TMEM44: variants seen among roughly 807,000 people sequenced by gnomAD.
TMEM44 encodes the protein transmembrane protein 44.
TMEM44 carries 43 observed loss-of-function variants against 47.8 expected under a neutral mutation model. That is an observed-to-expected ratio of 0.90 (90% CI 0.70 to 1.16). The LOEUF (loss-of-function observed/expected upper bound fraction) is 1.16. Ranked by LOEUF, TMEM44 falls within the 50% of genes most tolerant of loss-of-function variation. The pLI is 0.00. For missense variants in TMEM44, 568 were observed against 555.2 expected (o/e 1.02, Z -0.23); for synonymous variants, 277 against 238.8 (o/e 1.16, Z -1.48).
At chr3:194,612,476 T>C (rs1176844178) in intron 7 of TMEM44, among the ~76,000 whole-genome samples, 1 of 152,062 alleles carries the variant, frequency 6.6e-6, no homozygotes, top group Non-Finnish European at 1.5e-5. Context: ...AGGGGCAGTT[T>C]TTGTTTTTGT....
chr3:194,621,406 AGCTACTACC>A (rs1330691917), intron 5 of TMEM44, among the ~76,000 whole-genome samples: 1 of 151,776 alleles, frequency 6.6e-6, no homozygotes, highest in Non-Finnish European at 1.5e-5. Context: ...AGCCCTAGGG[AGCTACTACC>A]GGCGGTCAGG....
rs60465767 is a variant in TMEM44 at position 194,588,227 on chromosome 3, G to A, written c.*302C>T. The A allele has an allele frequency of 0.079, 26,603 of 335,036 alleles. 1,271 individuals carry two copies. Among genetic ancestry groups the A allele is most frequent in the African/African-American group, 0.15 (7,035 of 46,728 alleles). 20.8% of individuals were successfully genotyped at this position (335,036 alleles called of 1,614,324 possible). On this transcript the variant is annotated 3_prime_UTR_variant, in exon 10 of 10. Transcript: ENST00000347147. ...GTTCATGGCTGACTCTCAAGGGAAT[G>A]AAGGGAAAAGGAAGAGCGGGTCTGA...
chr3:194,615,631 T>C lies in TMEM44; in HGVS notation c.850A>G (p.Arg284Gly), dbSNP rs1715799980. ...RQALGFAKEA[R>G]ESPDTQALLT... The stretch of plus-strand genomic sequence containing the variant: ...AGGGCTTGGGTGTCAGGGCTCTCTC[T>C]GGCTTCCTTGGCAAATCCTAAGGCC... Residue 284 changes from arginine (R) to glycine (G), a missense_variant, in exon 7 of 10, where the codon AGA (arginine) becomes GGA (glycine). Coordinates refer to ENST00000347147, the MANE Select transcript of TMEM44 (RefSeq NM_001011655.3). 1 of 1,614,072 alleles carries C rather than the reference T, an allele frequency of 6.2e-7. No individual in the cohort carries two copies. Among genetic ancestry groups the C allele is most frequent in the South Asian group, 1.1e-5 (1 of 91,096 alleles).
intron 8 of TMEM44, among the ~76,000 whole-genome samples, chr3:194,608,285 A>T (rs1198469204): frequency 1.3e-5 from 2 of 152,234 alleles, no homozygotes; most frequent in African/African-American, 4.8e-5. Flanking sequence ...AAGGAGCAAC[A>T]ACAGCAAACA....
intron 9 of TMEM44, among the ~76,000 whole-genome samples, chr3:194,595,798 T>C (rs2109153422): frequency 6.6e-6 from 1 of 152,172 alleles, no homozygotes; most frequent in East Asian, 1.9e-4. Flanking sequence ...GCTCATTTTT[T>C]GTATTTTTAG....
At chr3:194,631,166 G>A (rs1448600096) in intron 1 of TMEM44, among the ~76,000 whole-genome samples, 1 of 151,698 alleles carries the variant, frequency 6.6e-6, no homozygotes, top group African/African-American at 2.4e-5. Flanking sequence ...GAAGGGGCTG[G>A]CTGTTTCCCT....
At chr3:194,630,652 C>T (rs1717703525) in intron 1 of TMEM44, among the ~76,000 whole-genome samples, 1 of 116,742 alleles carries the variant, frequency 8.6e-6, no homozygotes, top group Admixed American at 8.1e-5. Flanking sequence ...GCTGTCGTAC[C>T]TGCCTCCAGA....
chr3:194,626,093 G>GATACAGA, intron 2 of TMEM44, 103 bp from the exon 3 acceptor site: 1 of 852,176 alleles, frequency 1.2e-6, no homozygotes, highest in Non-Finnish European at 2.0e-6. Flanking sequence ...ACACTGATGC[G>GATACAGA]GTGCTTTCTT....
intron 9 of TMEM44, chr3:194,589,931 G>A (rs1427861387): frequency 1.3e-5 from 2 of 152,094 alleles, no homozygotes; most frequent in Non-Finnish European, 2.9e-5. Context: ...CGTCTATGAT[G>A]ATTCTGAGGC....
rs111625868 is a variant in TMEM44 at position 194,605,186 on chromosome 3, A to G, written c.1018-741T>C. Reference sequence around the variant, plus strand: ...TATCTATTTATGTATCTGTCTATCTACCAATCTATCTATCTGTCTCAGACC... The same window carrying G: ...TATCTATTTATGTATCTGTCTATCTGCCAATCTATCTATCTGTCTCAGACC... On this transcript the variant is annotated intron_variant, in intron 8 of 9. Coordinates refer to ENST00000347147, the MANE Select transcript of TMEM44 (RefSeq NM_001011655.3). Among the ~76,000 whole-genome samples, 722 of 152,304 alleles carry G rather than the reference A, an allele frequency of 4.7e-3. 8 individuals are homozygous for G. Among genetic ancestry groups the G allele is most frequent in the African/African-American group, 0.016 (683 of 41,554 alleles).
intron 6 of TMEM44, chr3:194,616,760 T>A (rs1715937160): frequency 4.9e-6 from 2 of 407,188 alleles, no homozygotes; most frequent in Non-Finnish European, 9.5e-6. Flanking sequence ...CCAGACGTGT[T>A]GGCATGCACC....
intron 2 of TMEM44, among the ~76,000 whole-genome samples, chr3:194,627,152 C>A: frequency 6.6e-6 from 1 of 152,198 alleles, no homozygotes; most frequent in Non-Finnish European, 1.5e-5. Context: ...CCGCCTTAGC[C>A]TCCCAAAGTG....
intron 2 of TMEM44, among the ~76,000 whole-genome samples, 162 bp downstream of exon 2, chr3:194,628,221 T>A (rs1717379634): frequency 6.6e-6 from 1 of 152,158 alleles, no homozygotes; most frequent in Non-Finnish European, 1.5e-5. Context: ...AACAAGAGCC[T>A]CTGAGGGGGG....
At chr3:194,630,613 C>T (rs1473149439) in intron 1 of TMEM44, among the ~76,000 whole-genome samples, 1 of 106,762 alleles carries the variant, frequency 9.4e-6, no homozygotes, top group East Asian at 2.9e-4. Context: ...TTTCCATCGG[C>T]GTCACTGATA....
chr3:194,593,600 G>A (rs964912189), intron 9 of TMEM44, among the ~76,000 whole-genome samples: 3 of 152,098 alleles, frequency 2.0e-5, no homozygotes, highest in Non-Finnish European at 4.4e-5. Context: ...CAGGCATCAC[G>A]TCTGCCCTTG....
Position 194,633,220 on chromosome 3 carries a change from C to T in TMEM44, c.-5G>A. 7.2e-7 allele frequency: 1 copy of T among 1,392,686 alleles called. No homozygotes were observed. The highest frequency in any genetic ancestry group is 1.5e-5 in the African/African-American group (1 of 65,264). 86.3% of individuals were successfully genotyped at this position (1,392,686 alleles called of 1,614,324 possible). ...GGGGCTGGGCGCCTCCCCCATGGCG[C>T]GGCTGGGCGCGCGGCGCGGGGCCGG... On this transcript the variant is annotated 5_prime_UTR_variant, in exon 1 of 10. Transcript: ENST00000347147.
intron 1 of TMEM44, among the ~76,000 whole-genome samples, chr3:194,630,751 C>T (rs893471922): frequency 2.6e-4 from 39 of 151,154 alleles, no homozygotes; most frequent in African/African-American, 7.1e-4. Flanking sequence ...TGGCTGTTTC[C>T]GTCGGCGTCA....
chr3:194,596,077 T>A (rs189083281), intron 9 of TMEM44, among the ~76,000 whole-genome samples: 15 of 151,980 alleles, frequency 9.9e-5, no homozygotes, highest in Admixed American at 9.8e-4. Context: ...GCTGGGTGCA[T>A]GGGGAAGGAC....
intron 1 of TMEM44, among the ~76,000 whole-genome samples, chr3:194,629,406 C>T (rs192759570): frequency 6.6e-6 from 1 of 152,368 alleles, no homozygotes; most frequent in East Asian, 1.9e-4. Context: ...CTTACAGCCC[C>T]TCCCCAGTCC....
Sources: allele counts gnomAD v4.1 joint callset (sites outside exome capture counted in the v4.1 genomes callset), GRCh38; gene constraint gnomAD v4.1.1; transcripts MANE v1.5; gene names NCBI Gene and HGNC (gene_info 2026-07-23, HGNC 2026-07-21).